Variants in ENTREP2 observed in about 807,000 individuals in gnomAD.
The protein encoded by ENTREP2 is endosomal transmembrane epsin interactor 2.
chr15:29,267,782 A>G, the ENTREP2 span: 8 of 152,368 alleles, frequency 5.3e-5, no homozygotes, highest in South Asian at 1.7e-3. Context: ...AAATAAAAAC[A>G]TTAAAGAATA....
the ENTREP2 span, among the ~76,000 whole-genome samples, chr15:29,435,828 C>G: frequency 6.6e-6 from 1 of 152,018 alleles, no homozygotes; most frequent in Non-Finnish European, 1.5e-5. Context: ...CCAGTTTGCC[C>G]TGGAGTTTTC....
the ENTREP2 span, among the ~76,000 whole-genome samples, chr15:29,667,172 A>ATTTTC: frequency 6.7e-6 from 1 of 150,060 alleles, no homozygotes; most frequent in Non-Finnish European, 1.5e-5. Flanking sequence ...TTCAACATAT[A>ATTTTC]TTTTCTTTTC....
the ENTREP2 span, among the ~76,000 whole-genome samples, chr15:29,562,612 T>C: frequency 6.6e-6 from 1 of 152,164 alleles, no homozygotes; most frequent in Non-Finnish European, 1.5e-5. Context: ...TTTCAAAAAA[T>C]TTCCAGAAAA....
the ENTREP2 span, among the ~76,000 whole-genome samples, chr15:29,497,046 G>T: frequency 1.3e-5 from 2 of 152,118 alleles, no homozygotes; most frequent in African/African-American, 4.8e-5. Context: ...GGTCATGAGG[G>T]TTCCATCCTT....
chr15:29,295,946 G>A, the ENTREP2 span, among the ~76,000 whole-genome samples: 1 of 152,222 alleles, frequency 6.6e-6, no homozygotes, highest in Non-Finnish European at 1.5e-5. Context: ...GGGAAGAGGG[G>A]ACTGCTGTAT....
chr15:29,298,976 C>T, the ENTREP2 span, among the ~76,000 whole-genome samples: 48 of 152,024 alleles, frequency 3.2e-4, no homozygotes, highest in African/African-American at 1.1e-3. Context: ...CTTTAACAAA[C>T]GTGACTTGAA....
the ENTREP2 span, among the ~76,000 whole-genome samples, chr15:29,440,353 G>A: frequency 6.6e-6 from 1 of 152,132 alleles, no homozygotes; most frequent in Admixed American, 6.5e-5. Context: ...ACCAGCCAAA[G>A]CACATCATTT....
the ENTREP2 span, among the ~76,000 whole-genome samples, chr15:29,468,610 CAA>C: frequency 1.5e-4 from 15 of 102,502 alleles, no homozygotes; most frequent in Non-Finnish European, 1.4e-4. Context: ...AACTCCATCT[CAA>C]AAAAAAAAAA....
the ENTREP2 span, among the ~76,000 whole-genome samples, chr15:29,424,336 TTGATTGGTCCCTTTTACAGAGTGC>T: frequency 6.6e-5 from 10 of 151,454 alleles, no homozygotes; most frequent in Non-Finnish European, 1.0e-4. Context: ...TTACAGAGCG[TTGATTGGTCCCTTTTACAGAGTGC>T]TGATTGGTCC....
chr15:29,482,315 A>G, the ENTREP2 span, among the ~76,000 whole-genome samples: 1 of 152,010 alleles, frequency 6.6e-6, no homozygotes, highest in African/African-American at 2.4e-5. Flanking sequence ...TGGCCAGTAC[A>G]TTTCTTACAA....
the ENTREP2 span, among the ~76,000 whole-genome samples, chr15:29,393,151 C>T: frequency 6.6e-6 from 1 of 152,162 alleles, no homozygotes. Flanking sequence ...CAAAGTTTGC[C>T]CTTTGTTGTC....
chr15:29,581,709 G>C, the ENTREP2 span, among the ~76,000 whole-genome samples: 2 of 148,982 alleles, frequency 1.3e-5, no homozygotes, highest in Non-Finnish European at 3.0e-5. Context: ...CCAGCAAGTT[G>C]GTTTTTTTTT....
the ENTREP2 span, among the ~76,000 whole-genome samples, chr15:29,369,322 T>C: frequency 6.6e-6 from 1 of 151,940 alleles, no homozygotes; most frequent in Non-Finnish European, 1.5e-5. Context: ...AGAGAGAAGC[T>C]TGAAGGCAAA....
the ENTREP2 span, among the ~76,000 whole-genome samples, chr15:29,607,543 T>C: frequency 1.3e-5 from 2 of 152,200 alleles, no homozygotes; most frequent in African/African-American, 4.8e-5. Context: ...TGTTCTGCCA[T>C]GTCTATCATG....
the ENTREP2 span, among the ~76,000 whole-genome samples, chr15:29,308,066 T>A: frequency 6.6e-6 from 1 of 152,164 alleles, no homozygotes; most frequent in Non-Finnish European, 1.5e-5. Context: ...GAGAAAAATT[T>A]TAAATTGAGT....
At chr15:29,604,607 T>C in the ENTREP2 span, among the ~76,000 whole-genome samples, 1 of 152,190 alleles carries the variant, frequency 6.6e-6, no homozygotes, top group Non-Finnish European at 1.5e-5. Flanking sequence ...CAAAAATACA[T>C]TGAAAAGGAG....
At chr15:29,269,314 G>C in the ENTREP2 span, 1 of 1,614,028 alleles carries the variant, frequency 6.2e-7, no homozygotes, top group African/African-American at 1.3e-5. Context: ...GAGGCGCTCG[G>C]CGGCCCGTTT....
At chr15:29,444,226 G>GAAAGAAAGAAAGA in the ENTREP2 span, among the ~76,000 whole-genome samples, 3 of 148,546 alleles carry the variant, frequency 2.0e-5, no homozygotes, top group African/African-American at 7.6e-5. Context: ...AAGAAAGAAA[G>GAAAGAAAGAAAGA]AAAGAAAGAA....
At chr15:29,648,603 G>A in the ENTREP2 span, among the ~76,000 whole-genome samples, 1 of 152,186 alleles carries the variant, frequency 6.6e-6, no homozygotes, top group Non-Finnish European at 1.5e-5. Flanking sequence ...GCTTTTAAAT[G>A]ATCAAGGTCA....
Sources: allele counts gnomAD v4.1 joint callset (sites outside exome capture counted in the v4.1 genomes callset), GRCh38; gene constraint gnomAD v4.1.1; transcripts MANE v1.5; gene names NCBI Gene and HGNC (gene_info 2026-07-23, HGNC 2026-07-21).